Variants in TTC12 observed in about 807,000 individuals in gnomAD.
TTC12 encodes the protein tetratricopeptide repeat domain 12, also known as tetratricopeptide repeat protein 12.
Under a neutral mutation model 90.1 loss-of-function variants are expected in TTC12, and 70 were observed. The observed-to-expected ratio is 0.78, with a 90% CI of 0.64 to 0.95. The LOEUF (loss-of-function observed/expected upper bound fraction) is 0.95. Among genes scored for constraint, TTC12 ranks in the 40% least tolerant of loss-of-function variants. TTC12 has a pLI of 0.00. For missense variants in TTC12, 819 were observed against 846.1 expected (o/e 0.97, Z 0.40); for synonymous variants, 296 against 311.5 (o/e 0.95, Z 0.53).
intron 6 of TTC12, among the ~76,000 whole-genome samples, chr11:113,326,881 TA>T (rs1947728192): frequency 6.6e-6 from 1 of 152,244 alleles, no homozygotes; most frequent in Admixed American, 6.5e-5. Flanking sequence ...AATCCTTTTT[TA>T]GTTACATAAC....
chr11:113,351,957 G>T (rs1384572076), intron 15 of TTC12, 113 bp from the exon 16 acceptor site: 1 of 1,252,062 alleles, frequency 8.0e-7, no homozygotes. Flanking sequence ...TGTGTGACAT[G>T]AAGCTATCTG....
At chr11:113,324,889 A>G (rs869549) in intron 5 of TTC12, among the ~76,000 whole-genome samples, 61,045 of 152,068 alleles carry the variant, frequency 0.4, 13,879 homozygotes, top group Middle Eastern at 0.52. Flanking sequence ...GGATACACCT[A>G]CCTCCAGTGA....
rs782053361 is a variant in TTC12 at position 113,336,753 on chromosome 11, G to C, written c.576+1716G>C. Among the ~76,000 whole-genome samples the C allele has an allele frequency of 4.5e-4, 68 of 152,178 alleles. 1 individual carries two copies. Among genetic ancestry groups the C allele is most frequent in the Non-Finnish European group, 7.6e-4 (52 of 67,978 alleles). ...CCAGTACCACAGTGTCTTCATTTTTGTAGCTTTGTATTAAGTTGAGAAGTG... is the reference window on the plus strand; with the variant it reads ...CCAGTACCACAGTGTCTTCATTTTTCTAGCTTTGTATTAAGTTGAGAAGTG... On this transcript the variant is annotated intron_variant, in intron 8 of 21. Transcript: ENST00000529221.
In TTC12 at chr11:113,340,834, A is replaced by G. The variant is rs201125869; in HGVS notation, c.896+101A>G. On this transcript the variant is annotated intron_variant, in intron 11 of 21. Transcript: ENST00000529221. ...CACATAGACAGTCACGTTTCTGAAC[A>G]TTACCCCCCTTCAGTCAGTAGTGGG... 4.6e-5 allele frequency: 46 copies of G among 999,152 alleles called. No homozygotes were observed. The East Asian group carries it at 5.8e-4, about 13-fold the overall frequency. 61.9% of individuals were successfully genotyped at this position (999,152 alleles called of 1,614,324 possible).
At chr11:113,322,105 ATAT>A (rs1439107129) in intron 2 of TTC12, among the ~76,000 whole-genome samples, 1 of 152,246 alleles carries the variant, frequency 6.6e-6, no homozygotes, top group South Asian at 2.1e-4. Context: ...AGAAACAAAA[ATAT>A]TATATTACTT....
chr11:113,349,998 C>T (rs1012372927), intron 13 of TTC12, 75 bp from the exon 14 acceptor site: 7 of 1,224,366 alleles, frequency 5.7e-6, no homozygotes, highest in Admixed American at 3.6e-5. Context: ...TTTTTGGTTT[C>T]CTTGCAAGGT....
intron 18 of TTC12, among the ~76,000 whole-genome samples, chr11:113,361,368 A>G (rs1342277064): frequency 6.6e-6 from 1 of 152,258 alleles, no homozygotes; most frequent in Non-Finnish European, 1.5e-5. Context: ...AATTTTAACA[A>G]GTTTCCTGAA....
chr11:113,319,649 G>A (rs1330397806), intron 2 of TTC12, among the ~76,000 whole-genome samples: 3 of 150,356 alleles, frequency 2.0e-5, no homozygotes, highest in Non-Finnish European at 4.4e-5. Context: ...AAGAGCAAAG[G>A]ACCAAGAAGA....
intron 3 of TTC12, 54 bp from the exon 4 acceptor site, chr11:113,323,940 T>C (rs1947518448): frequency 7.0e-7 from 1 of 1,438,532 alleles, no homozygotes. Context: ...ACATATAAAT[T>C]AGAGTGGTTT....
At chr11:113,337,848 G>T (rs1948457655) in intron 8 of TTC12, among the ~76,000 whole-genome samples, 1 of 152,002 alleles carries the variant, frequency 6.6e-6, no homozygotes, top group African/African-American at 2.4e-5. Flanking sequence ...GGTAAGAAGT[G>T]GTGGGATTTG....
intron 7 of TTC12, among the ~76,000 whole-genome samples, chr11:113,331,550 C>T (rs1555142565): frequency 6.6e-6 from 1 of 152,160 alleles, no homozygotes; most frequent in Non-Finnish European, 1.5e-5. Context: ...TATAAAGGGC[C>T]TCTCCACTGC....
intron 7 of TTC12, among the ~76,000 whole-genome samples, chr11:113,332,301 C>T (rs10502173): frequency 1.3e-5 from 2 of 152,116 alleles, no homozygotes; most frequent in East Asian, 1.9e-4. Context: ...TGGGCCTATT[C>T]GTGAGAAAAA....
intron 6 of TTC12, among the ~76,000 whole-genome samples, chr11:113,327,284 C>T (rs1947752414): frequency 6.6e-6 from 1 of 152,180 alleles, no homozygotes; most frequent in South Asian, 2.1e-4. Context: ...TTCCTCTCAG[C>T]TTTCCCAAGG....
At position 113,351,167 on chromosome 11, in the gene TTC12, A is replaced by C. The variant is rs1224806831; in HGVS notation, c.1248-72A>C. On this transcript the variant is annotated intron_variant, in intron 14 of 21. Coordinates refer to ENST00000529221, the MANE Select transcript of TTC12 (RefSeq NM_017868.4). Reference sequence around the variant, plus strand: ...GGACCTAGAGTTTGCAACATTAACTATCTGAGACACTGTATTTATGTTATA... The same window carrying C: ...GGACCTAGAGTTTGCAACATTAACTCTCTGAGACACTGTATTTATGTTATA... The C allele has an allele frequency of 5.7e-6, 8 of 1,412,750 alleles. No individual in the cohort carries two copies. In the Admixed American group the frequency reaches 1.2e-4, roughly 21 times the overall value. The allele number at this position is 1,412,750 out of a possible 1,614,324, so 87.5% of individuals were successfully genotyped here.
At chr11:113,361,927 TA>T (rs1286395045) in intron 18 of TTC12, among the ~76,000 whole-genome samples, 1 of 126,944 alleles carries the variant, frequency 7.9e-6, no homozygotes, top group East Asian at 2.2e-4. Flanking sequence ...GTTATATCCA[TA>T]AAAGAGTAAC....
rs1332635128 is a variant in TTC12, at chr11:113,316,230, C to T, written c.-15-13C>T. On this transcript the variant is annotated splice_polypyrimidine_tract_variant and intron_variant, in intron 1 of 21. Transcript: ENST00000529221. ...TATTATTATTAATTTCACCATTATG[C>T]TGCATCCCTTAGGGATTCCGGTTCA... The T allele has an allele frequency of 1.3e-5, 17 of 1,359,692 alleles. No individual in the cohort carries two copies. The highest frequency in any genetic ancestry group is 1.7e-5 in the Non-Finnish European group (17 of 1,030,262). The allele number at this position is 1,359,692 out of a possible 1,614,324, so 84.2% of individuals were successfully genotyped here.
At chr11:113,320,672 G>C (rs1290554914) in intron 2 of TTC12, among the ~76,000 whole-genome samples, 4 of 152,218 alleles carry the variant, frequency 2.6e-5, no homozygotes, top group African/African-American at 9.6e-5. Context: ...CTTGTGAAAA[G>C]GCAGATGTCC....
At chr11:113,315,049 C>CA (rs1555134686) in intron 1 of TTC12, 3 of 152,374 alleles carry the variant, frequency 2.0e-5, no homozygotes. Context: ...CCTGTCCATG[C>CA]ACCCGCGCGC....
chr11:113,352,318 G>T (rs1949345747), intron 16 of TTC12, 111 bp downstream of exon 16: 1 of 1,401,208 alleles, frequency 7.1e-7, no homozygotes, highest in South Asian at 1.2e-5. Context: ...GTTGGATGGC[G>T]CCAGTTGGCT....
Sources: gnomAD v4.1 joint callset for allele counts (sites outside exome capture counted in the v4.1 genomes callset) on GRCh38, gnomAD v4.1.1 for gene constraint, MANE v1.5 for transcripts, NCBI Gene and HGNC (gene_info 2026-07-23, HGNC 2026-07-21) for gene names.